The following NEDD4L variants were observed in gnomAD, a reference collection of about 807,000 sequenced individuals.
NEDD4L encodes the protein E3 ubiquitin-protein ligase NEDD4-like.
In NEDD4L, 54 loss-of-function variants were observed where a neutral mutation model predicts 148.9. The ratio of observed to expected loss-of-function variants is 0.36; its 90% CI spans 0.29 to 0.45. The LOEUF is 0.45. Among genes scored for constraint, NEDD4L ranks in the 20% least tolerant of loss-of-function variants. The pLI, the probability that NEDD4L is intolerant of heterozygous loss-of-function variation, is 1.00. For synonymous variants in NEDD4L, 433 were observed against 440.7 expected, an observed-to-expected ratio of 0.98 and a Z score of 0.22; for missense variants, 856 against 1,233.8, an observed-to-expected ratio of 0.69 and a Z score of 4.59.
rs1265394294 is a variant in NEDD4L at position 58,400,016 on chromosome 18, A to G, written c.*3747A>G. ...ACTCACCTCTGAAATTTAAAAACGT[A>G]TAAAGAGAGCCTGGGTTAATCAGTT... On this transcript the variant is annotated 3_prime_UTR_variant, in exon 31 of 31. Coordinates refer to ENST00000400345, the MANE Select transcript of NEDD4L (RefSeq NM_001144967.3). 3.3e-5 allele frequency: 5 copies of G among 152,414 alleles called. No individual in the cohort carries two copies. The East Asian group carries it at 9.6e-4, about 29-fold the overall frequency. 9.4% of individuals were successfully genotyped at this position (152,414 alleles called of 1,614,324 possible). A position where few individuals can be genotyped will look rare whatever the true frequency, so the allele number is the denominator to read the frequency against.
At chr18:58,377,905 C>T (rs2047784856) in intron 24 of NEDD4L, among the ~76,000 whole-genome samples, 1 of 152,178 alleles carries the variant, frequency 6.6e-6, no homozygotes, top group African/African-American at 2.4e-5. Flanking sequence ...CCACCATGCC[C>T]AGCTAATTTT....
At chr18:58,180,270 T>C (rs1248397704) in intron 2 of NEDD4L, among the ~76,000 whole-genome samples, 1 of 152,146 alleles carries the variant, frequency 6.6e-6, no homozygotes, top group African/African-American at 2.4e-5. Context: ...AGTGCCTTGC[T>C]CTCTCCTTTC....
intron 19 of NEDD4L, 43 bp from the exon 20 acceptor site, chr18:58,364,225 G>A (rs1399251054): frequency 8.6e-7 from 1 of 1,168,290 alleles, no homozygotes; most frequent in Admixed American, 2.1e-5. Context: ...AAAATTTCAG[G>A]TGTATTGTTT....
chr18:58,069,807 G>T (rs149258139), intron 1 of NEDD4L, among the ~76,000 whole-genome samples: 499 of 152,288 alleles, frequency 3.3e-3, no homozygotes, highest in African/African-American at 0.011. Flanking sequence ...ATTAGTTAAA[G>T]ATTTCTAGCA....
intron 9 of NEDD4L, among the ~76,000 whole-genome samples, chr18:58,325,870 T>A (rs2059266832): frequency 6.6e-6 from 1 of 152,148 alleles, no homozygotes; most frequent in South Asian, 2.1e-4. Flanking sequence ...TACAGCAAGA[T>A]CTAAGTCTAT....
chr18:58,353,852 C>T (rs567290341), intron 18 of NEDD4L, among the ~76,000 whole-genome samples: 2 of 152,170 alleles, frequency 1.3e-5, no homozygotes, highest in Non-Finnish European at 2.9e-5. Context: ...CCGTGAGTGC[C>T]GTCATCTTGT....
At chr18:58,202,963 C>T (rs2041579560) in intron 2 of NEDD4L, among the ~76,000 whole-genome samples, 1 of 151,712 alleles carries the variant, frequency 6.6e-6, no homozygotes, top group Non-Finnish European at 1.5e-5. Flanking sequence ...TATTGGGCCT[C>T]AGTACATACT....
intron 25 of NEDD4L, 48 bp downstream of exon 25, chr18:58,383,367 A>G (rs1467280079): frequency 1.8e-5 from 19 of 1,052,022 alleles, no homozygotes; most frequent in East Asian, 7.9e-5. Flanking sequence ...ATTGAAATGC[A>G]TGTTTGGTCA....
Position 58,256,570 on chromosome 18 carries a change from T to TGGCAGGATGGCTCCTGAAATC in NEDD4L, c.297+4517_297+4537dup. The TGGCAGGATGGCTCCTGAAATC allele has an allele frequency of 3.2e-6, 4 of 1,232,308 alleles. No homozygotes were observed. Among genetic ancestry groups the TGGCAGGATGGCTCCTGAAATC allele is most frequent in the African/African-American group, 3.1e-5 (2 of 64,546 alleles). 76.3% of individuals were successfully genotyped at this position (1,232,308 alleles called of 1,614,324 possible). On this transcript the variant is annotated intron_variant, in intron 5 of 30. Coordinates refer to ENST00000400345, the MANE Select transcript of NEDD4L (RefSeq NM_001144967.3). This position sits in a 1 kb window ranked among gnomAD's most constrained non-coding sequence, Gnocchi z 5.2. Reference sequence around the variant, plus strand: ...GAGCCCTGGAGGCATCGCCTCGAGCTGGCAGGATGGCTCCTGAAATCCGCA... The same window carrying TGGCAGGATGGCTCCTGAAATC: ...GAGCCCTGGAGGCATCGCCTCGAGCTGGCAGGATGGCTCCTGAAATCGGCAGGATGGCTCCTGAAATCCGCA...
At chr18:58,095,521 C>A (rs2084341027) in intron 1 of NEDD4L, among the ~76,000 whole-genome samples, 1 of 148,422 alleles carries the variant, frequency 6.7e-6, no homozygotes, top group African/African-American at 2.5e-5. Flanking sequence ...TGCAGAGGGG[C>A]CTTGCAGGGC....
intron 1 of NEDD4L, among the ~76,000 whole-genome samples, chr18:58,092,242 G>A (rs1040982714): frequency 9.2e-5 from 14 of 152,234 alleles, no homozygotes; most frequent in African/African-American, 2.2e-4. Flanking sequence ...GGAGATAAAG[G>A]TGTAGATGCA....
intron 13 of NEDD4L, among the ~76,000 whole-genome samples, chr18:58,338,752 C>T (rs536305975): frequency 1.3e-5 from 2 of 152,242 alleles, no homozygotes; most frequent in East Asian, 3.9e-4. Flanking sequence ...CCTGCCTCTA[C>T]TAAAAATACA....
At chr18:58,322,518 G>A in intron 7 of NEDD4L, 32 bp downstream of exon 7, 1 of 1,231,734 alleles carries the variant, frequency 8.1e-7, no homozygotes, top group Non-Finnish European at 1.2e-6. Flanking sequence ...GGGTGGGGAT[G>A]CCTGCCCTGC....
chr18:58,174,627 A>C (rs974265183), intron 2 of NEDD4L, among the ~76,000 whole-genome samples: 4 of 152,178 alleles, frequency 2.6e-5, no homozygotes, highest in Admixed American at 6.5e-5. Flanking sequence ...GTGTATTAGA[A>C]GTTGGACTAA....
At chr18:58,386,558 G>A (rs2049051736) in intron 26 of NEDD4L, among the ~76,000 whole-genome samples, 1 of 152,220 alleles carries the variant, frequency 6.6e-6, no homozygotes, top group African/African-American at 2.4e-5. Flanking sequence ...GATGCTCCCA[G>A]GCCCCTAGCA....
intron 19 of NEDD4L, among the ~76,000 whole-genome samples, chr18:58,363,921 C>G (rs1203162431): frequency 6.6e-6 from 1 of 152,184 alleles, no homozygotes; most frequent in Non-Finnish European, 1.5e-5. Context: ...GCCAATAACT[C>G]TTACCTAAAC....
chr18:58,182,774 G>A (rs750620437), intron 2 of NEDD4L, among the ~76,000 whole-genome samples: 1 of 152,040 alleles, frequency 6.6e-6, no homozygotes, highest in East Asian at 1.9e-4. Context: ...GAGCCACTGC[G>A]CCTGGCCTGT....
chr18:58,346,341 C>T (rs2043071498), intron 16 of NEDD4L, among the ~76,000 whole-genome samples: 1 of 152,170 alleles, frequency 6.6e-6, no homozygotes, highest in African/African-American at 2.4e-5. Context: ...ATTAGGGATG[C>T]TGAAGTGGTA....
At chr18:58,063,336 C>G (rs2082427501) in intron 1 of NEDD4L, among the ~76,000 whole-genome samples, 2 of 152,040 alleles carry the variant, frequency 1.3e-5, no homozygotes, top group South Asian at 4.1e-4. Flanking sequence ...GATTTATTGT[C>G]ATGAGCCACC....
Sources: gnomAD v4.1 joint callset for allele counts (sites outside exome capture counted in the v4.1 genomes callset) on GRCh38, gnomAD v4.1.1 for gene constraint, Gnocchi (gnomAD v3.1) non-coding constraint, MANE v1.5 for transcripts, NCBI Gene and HGNC (gene_info 2026-07-23, HGNC 2026-07-21) for gene names.